NCS1: variants seen among roughly 807,000 people sequenced by gnomAD.
NCS1 encodes the protein neuronal calcium sensor 1.
A neutral mutation model predicts 28.4 loss-of-function variants in NCS1; 6 were observed. The observed-to-expected ratio is 0.21, with a 90% CI of 0.12 to 0.42. NCS1 has a LOEUF of 0.42. Among genes scored for constraint, NCS1 ranks in the 10% least tolerant of loss-of-function variants. The pLI, the probability that NCS1 is intolerant of heterozygous loss-of-function variation, is 1.00. For missense variants in NCS1, 131 were observed against 241.4 expected (o/e 0.54, Z 3.03); for synonymous variants, 86 against 99.3 (o/e 0.87, Z 0.79).
chr9:130,191,291 G>A lies in NCS1; in HGVS notation c.65-9667G>A, dbSNP rs945222806. Among the ~76,000 whole-genome samples, 2 of 152,166 alleles carry A rather than the reference G, an allele frequency of 1.3e-5. No homozygotes were observed. The highest frequency in any genetic ancestry group is 1.3e-4 in the Admixed American group (2 of 15,282). ...CAGGAGAGCCAGGCCTGGGTGCAGA[G>A]CGGTGAAGAGCAGCTCCCGGGAGCT... On this transcript the variant is annotated intron_variant, in intron 1 of 7. Transcript: ENST00000372398. This position sits in a 1 kb window ranked among gnomAD's most constrained non-coding sequence, Gnocchi z 6.4.
chr9:130,225,141 G>C (rs782165533), intron 6 of NCS1, among the ~76,000 whole-genome samples: 6 of 152,212 alleles, frequency 3.9e-5, no homozygotes. Flanking sequence ...GCTGTGAGCC[G>C]TGATGGTGCC....
chr9:130,214,010 G>C (rs1035809834), intron 2 of NCS1, among the ~76,000 whole-genome samples: 1 of 152,238 alleles, frequency 6.6e-6, no homozygotes, highest in Non-Finnish European at 1.5e-5. Flanking sequence ...CTCTGCCCCT[G>C]CCTGGCAATT....
intron 2 of NCS1, among the ~76,000 whole-genome samples, chr9:130,203,686 G>T (rs1564708468): frequency 1.3e-5 from 2 of 152,218 alleles, no homozygotes; most frequent in Non-Finnish European, 2.9e-5. Flanking sequence ...GCCTCTTCCA[G>T]GGCAGGGAAG....
At chr9:130,178,599 G>A (rs1832608125) in intron 1 of NCS1, among the ~76,000 whole-genome samples, 1 of 152,184 alleles carries the variant, frequency 6.6e-6, no homozygotes, top group Non-Finnish European at 1.5e-5. Context: ...GCCACAGGAA[G>A]GAATTTGGAC....
rs1476183821 is a variant in NCS1 at position 130,180,040 on chromosome 9, TATCTATCTATC to T, written c.64+7314_64+7324del. Among the ~76,000 whole-genome samples the T allele has an allele frequency of 2.6e-4, 31 of 117,632 alleles. No homozygotes were observed. Among genetic ancestry groups the T allele is most frequent in the East Asian group, 8.2e-4 (3 of 3,656 alleles). 77.2% of individuals were successfully genotyped at this position (117,632 alleles called of 152,430 possible). A position where few individuals can be genotyped will look rare whatever the true frequency, so the allele number is the denominator to read the frequency against. Reference sequence around the variant, plus strand: ...CTATCTATCTATCTATCTATCTATCTATCTATCTATCGAGATGGAATCTCACTTCCGTCACC... The same window carrying T: ...CTATCTATCTATCTATCTATCTATCTGAGATGGAATCTCACTTCCGTCACC... On this transcript the variant is annotated intron_variant, in intron 1 of 7. Coordinates refer to ENST00000372398, the MANE Select transcript of NCS1 (RefSeq NM_014286.4). The surrounding 1 kb of genome is among the most constrained non-coding windows in gnomAD (Gnocchi z 4.5).
chr9:130,203,989 A>AT (rs1332171664), intron 2 of NCS1, among the ~76,000 whole-genome samples: 1 of 152,046 alleles, frequency 6.6e-6, no homozygotes, highest in East Asian at 1.9e-4. Context: ...TATTTAAAAA[A>AT]TTTTTTTTCT....
intron 1 of NCS1, among the ~76,000 whole-genome samples, chr9:130,173,836 T>TC (rs1397433564): frequency 5.3e-5 from 8 of 152,152 alleles, no homozygotes; most frequent in East Asian, 1.9e-4. Flanking sequence ...GCTCCCCGCT[T>TC]CCCCCCACTC....
At chr9:130,189,879 A>AAAATATATATAT (rs1554906056) in intron 1 of NCS1, among the ~76,000 whole-genome samples, 1 of 37,748 alleles carries the variant, frequency 2.6e-5, no homozygotes, top group African/African-American at 1.2e-4. Flanking sequence ...AAAAAAAAAA[A>AAAATATATATAT]ATATATATAT....
At chr9:130,216,184 C>T (rs151175430) in intron 2 of NCS1, among the ~76,000 whole-genome samples, 5 of 152,286 alleles carry the variant, frequency 3.3e-5, no homozygotes, top group East Asian at 3.9e-4. Context: ...ATCAGAGTGC[C>T]GCGCGCACCA....
At chr9:130,207,787 C>T (rs1326976908) in intron 2 of NCS1, among the ~76,000 whole-genome samples, 5 of 152,232 alleles carry the variant, frequency 3.3e-5, no homozygotes, top group African/African-American at 1.2e-4. Flanking sequence ...GGGCATCCCA[C>T]GGTGCCAGCT....
At chr9:130,202,705 G>A (rs1428808877) in intron 2 of NCS1, among the ~76,000 whole-genome samples, 2 of 151,434 alleles carry the variant, frequency 1.3e-5, no homozygotes, top group African/African-American at 4.9e-5. Flanking sequence ...TCTGCCTCCC[G>A]AGTAGCTGGG....
intron 2 of NCS1, among the ~76,000 whole-genome samples, chr9:130,204,203 G>T (rs1554907805): frequency 2.6e-5 from 4 of 151,966 alleles, no homozygotes. Context: ...CACCATGTTG[G>T]CCAGGCTGGT....
At position 130,180,718 on chromosome 9, in the gene NCS1, A is replaced by G. The variant is rs1285595204; in HGVS notation, c.64+7991A>G. 6.6e-6 allele frequency among the ~76,000 whole-genome samples: 1 copy of G among 152,176 alleles called. No homozygotes were observed. Among genetic ancestry groups the G allele is most frequent in the African/African-American group, 2.4e-5 (1 of 41,430 alleles). On this transcript the variant is annotated intron_variant, in intron 1 of 7. Transcript: ENST00000372398. The surrounding 1 kb of genome is among the most constrained non-coding windows in gnomAD (Gnocchi z 4.5). ...GTTTGCACAGGGATCTGCACGTAGT[A>G]GGTGCTCAGTAAATGCTCTCCCAGG...
Position 130,186,204 on chromosome 9 carries a change from C to A in NCS1, c.64+13477C>A, listed in dbSNP as rs1346275788. On this transcript the variant is annotated intron_variant, in intron 1 of 7. Transcript: ENST00000372398. This position sits in a 1 kb window ranked among gnomAD's most constrained non-coding sequence, Gnocchi z 4.1. ...CCCTGCGGATGCTGGGGCCACAGGG[C>A]AGGCTGGCTGGCTGGATTTCTGGCC... Among the ~76,000 whole-genome samples the A allele has an allele frequency of 6.6e-6, 1 of 152,194 alleles. No individual in the cohort carries two copies. The highest frequency in any genetic ancestry group is 1.5e-5 in the Non-Finnish European group (1 of 68,038).
rs936551180 is a variant in NCS1 at position 130,191,538 on chromosome 9, G to T, written c.65-9420G>T. Among the ~76,000 whole-genome samples, 5 of 152,204 alleles carry T rather than the reference G, an allele frequency of 3.3e-5. No homozygotes were observed. The highest frequency in any genetic ancestry group is 2.0e-4 in the Admixed American group (3 of 15,286). Reference sequence around the variant, plus strand: ...AGGAAGGGAAGTGGGGGCCGGTAGGGGGTGGTCAGAGCCTGGTCAGCTGGA... The same window carrying T: ...AGGAAGGGAAGTGGGGGCCGGTAGGTGGTGGTCAGAGCCTGGTCAGCTGGA... On this transcript the variant is annotated intron_variant, in intron 1 of 7. Transcript: ENST00000372398. The surrounding 1 kb of genome is among the most constrained non-coding windows in gnomAD (Gnocchi z 6.4).
chr9:130,207,081 C>T (rs1236691801), intron 2 of NCS1, among the ~76,000 whole-genome samples: 8 of 152,194 alleles, frequency 5.3e-5, no homozygotes, highest in African/African-American at 1.9e-4. Flanking sequence ...AGCCAGCCTG[C>T]CTCCCCCAGA....
chr9:130,173,199 T>TGGGGAGG lies in NCS1; in HGVS notation c.64+476_64+477insAGGGGGG, dbSNP rs561408660. ...CGCCCCCTCCCTGGCCCCGTTCGTGTGGGGGGGGGGGTGGCGAGACTTGGC... is the reference window on the plus strand; with the variant it reads ...CGCCCCCTCCCTGGCCCCGTTCGTGTGGGGAGGGGGGGGGGGGGTGGCGAGACTTGGC... On this transcript the variant is annotated intron_variant, in intron 1 of 7. Transcript: ENST00000372398. Among the ~76,000 whole-genome samples, 33 of 119,820 alleles carry TGGGGAGG rather than the reference T, an allele frequency of 2.8e-4. 1 individual carries two copies. Among genetic ancestry groups the TGGGGAGG allele is most frequent in the African/African-American group, 1.1e-3 (33 of 30,014 alleles). 78.6% of individuals were successfully genotyped at this position (119,820 alleles called of 152,430 possible).
chr9:130,222,981 GGC>G, intron 5 of NCS1, 99 bp from the exon 6 acceptor site: 1 of 796,312 alleles, frequency 1.3e-6, no homozygotes, highest in Non-Finnish European at 2.0e-6. Context: ...AGAGGGGGGC[GGC>G]CCTCATCTGG....
intron 1 of NCS1, among the ~76,000 whole-genome samples, chr9:130,174,066 C>T (rs1374641457): frequency 2.0e-5 from 3 of 152,234 alleles, no homozygotes; most frequent in African/African-American, 7.2e-5. Flanking sequence ...GCTGTTCTCA[C>T]CCTCTCTCCA....
Sources: allele counts gnomAD v4.1 joint callset (sites outside exome capture counted in the v4.1 genomes callset), GRCh38; gene constraint gnomAD v4.1.1; non-coding constraint Gnocchi (gnomAD v3.1); transcripts MANE v1.5; gene names NCBI Gene and HGNC (gene_info 2026-07-23, HGNC 2026-07-21).